The following IL5RA variants were observed in gnomAD, a reference collection of about 807,000 sequenced individuals.
IL5RA encodes the protein interleukin-5 receptor subunit alpha.
IL5RA carries 49 observed loss-of-function variants against 50.0 expected under a neutral mutation model. The observed-to-expected ratio is 0.98, with a 90% CI of 0.78 to 1.24. IL5RA has a LOEUF of 1.24. Among genes scored for constraint, IL5RA ranks in the 50% most tolerant of loss-of-function variants. The pLI, the probability that IL5RA is intolerant of heterozygous loss-of-function variation, is 0.00. For missense variants in IL5RA, 600 were observed against 500.4 expected, an observed-to-expected ratio of 1.20 and a Z score of -1.90; for synonymous variants, 202 against 174.0, an observed-to-expected ratio of 1.16 and a Z score of -1.26.
At chr3:3,073,368 A>G (rs948594786) in intron 11 of IL5RA, among the ~76,000 whole-genome samples, 3 of 152,328 alleles carry the variant, frequency 2.0e-5, no homozygotes, top group Admixed American at 6.5e-5. Flanking sequence ...TTGGCAAACT[A>G]CAGCCGCGGG....
chr3:3,079,845 C>G, intron 9 of IL5RA, among the ~76,000 whole-genome samples: 1 of 152,134 alleles, frequency 6.6e-6, no homozygotes, highest in East Asian at 1.9e-4. Context: ...ACCAGCCTGG[C>G]CAACATGGTG....
intron 9 of IL5RA, among the ~76,000 whole-genome samples, chr3:3,080,056 C>G (rs543655910): frequency 4.4e-4 from 67 of 151,904 alleles, no homozygotes; most frequent in African/African-American, 1.1e-3. Flanking sequence ...GAAAAGAAAA[C>G]AAAAGTAGTG....
In IL5RA at chr3:3,070,015, G is replaced by A. The variant is rs944881400; in HGVS notation, c.*210C>T. The A allele has an allele frequency of 6.1e-6, 3 of 494,692 alleles. No homozygotes were observed. Among genetic ancestry groups the A allele is most frequent in the African/African-American group, 4.0e-5 (2 of 49,770 alleles). 30.6% of individuals were successfully genotyped at this position (494,692 alleles called of 1,614,324 possible). A position where few individuals can be genotyped will look rare whatever the true frequency, so the allele number is the denominator to read the frequency against. ...AAAACATGGCAAAATGCTTGGATGA[G>A]TCAACTTCCCTGCTGTAGGTGAGGC... is the stretch of plus-strand genomic sequence containing the variant. On this transcript the variant is annotated 3_prime_UTR_variant, in exon 12 of 12. Transcript: ENST00000446632.
At chr3:3,074,577 T>C (rs2125951509) in intron 11 of IL5RA, among the ~76,000 whole-genome samples, 1 of 152,292 alleles carries the variant, frequency 6.6e-6, no homozygotes, top group Non-Finnish European at 1.5e-5. Context: ...GAGACCAGCC[T>C]GGACAACATA....
At chr3:3,103,296 T>C (rs1464575530) in intron 3 of IL5RA, among the ~76,000 whole-genome samples, 5 of 152,238 alleles carry the variant, frequency 3.3e-5, no homozygotes, top group African/African-American at 4.8e-5. Context: ...ACTATATCAC[T>C]ATTCACTATA....
intron 10 of IL5RA, among the ~76,000 whole-genome samples, chr3:3,075,203 C>CTTTTTTTTT (rs10642608): frequency 4.1e-4 from 29 of 69,968 alleles, no homozygotes; most frequent in African/African-American, 9.0e-4. Flanking sequence ...AGTTTACTTA[C>CTTTTTTTTT]TTTTTTTTTT....
chr3:3,073,549 A>G (rs1439265460), intron 11 of IL5RA, among the ~76,000 whole-genome samples: 1 of 152,206 alleles, frequency 6.6e-6, no homozygotes, highest in Non-Finnish European at 1.5e-5. Context: ...CTTTACAGAA[A>G]AAGTTTCTTG....
Position 3,095,312 on chromosome 3 carries a change from T to C in IL5RA, c.842A>G (p.Asn281Ser). Residue 281 changes from asparagine to serine, a missense_variant, in exon 8 of 12, where the codon AAT becomes AGT. Asn to Ser is a conservative substitution (Grantham distance 46). Coordinates refer to ENST00000446632, the MANE Select transcript of IL5RA (RefSeq NM_175726.4). ...DYEVKIHNTRNGYLQIEKLMT... is the reference protein window; with the variant it reads ...DYEVKIHNTRSGYLQIEKLMT... Reference sequence around the variant, plus strand: ...CTGAGTAATTACCTGCAAATATCCATTCCTTGTATTGTGTATTTTTACTTC... The same window carrying C: ...CTGAGTAATTACCTGCAAATATCCACTCCTTGTATTGTGTATTTTTACTTC... 3 of 1,593,844 alleles carry C rather than the reference T, an allele frequency of 1.9e-6. No homozygotes were observed. The highest frequency in any genetic ancestry group is 2.3e-5 in the South Asian group (2 of 88,516).
intron 9 of IL5RA, among the ~76,000 whole-genome samples, chr3:3,077,518 A>G (rs1017164253): frequency 7.2e-5 from 11 of 152,112 alleles, no homozygotes; most frequent in Admixed American, 1.3e-4. Context: ...CTGTAAATCC[A>G]AGCACTTTGG....
At chr3:3,075,545 A>T (rs1263281766) in intron 10 of IL5RA, among the ~76,000 whole-genome samples, 1 of 151,164 alleles carries the variant, frequency 6.6e-6, no homozygotes, top group Non-Finnish European at 1.5e-5. Context: ...CCTTCCCCCA[A>T]ACTGTAGATG....
chr3:3,089,454 C>G (rs574998711), intron 9 of IL5RA, among the ~76,000 whole-genome samples: 1 of 152,070 alleles, frequency 6.6e-6, no homozygotes, highest in Non-Finnish European at 1.5e-5. Flanking sequence ...GGTCACTGCC[C>G]GAGACTTTCC....
At chr3:3,075,280 G>T (rs1702438673) in intron 10 of IL5RA, among the ~76,000 whole-genome samples, 2 of 118,444 alleles carry the variant, frequency 1.7e-5, no homozygotes, top group African/African-American at 6.6e-5. Flanking sequence ...GTGGCTTATT[G>T]CAATCTCCAC....
In IL5RA at chr3:3,092,110, A is replaced by G. The variant is rs891413980; in HGVS notation, c.994+114T>C. 8.1e-6 allele frequency: 12 copies of G among 1,475,110 alleles called. No homozygotes were observed. The highest frequency in any genetic ancestry group is 8.9e-6 in the Non-Finnish European group (10 of 1,119,256). The allele number at this position is 1,475,110 out of a possible 1,614,324, so 91.4% of individuals were successfully genotyped here. The stretch of plus-strand genomic sequence containing the variant: ...GCAGTAGACCGAGAGAAAATTAGTC[A>G]CAATAGAGATATGAAACCATTTTAA... On this transcript the variant is annotated intron_variant, in intron 9 of 11. Coordinates refer to ENST00000446632, the MANE Select transcript of IL5RA (RefSeq NM_175726.4). This position sits in a 1 kb window ranked among gnomAD's most constrained non-coding sequence, Gnocchi z 4.2.
At chr3:3,095,978 A>G (rs1207403113) in intron 7 of IL5RA, among the ~76,000 whole-genome samples, 1 of 152,166 alleles carries the variant, frequency 6.6e-6, no homozygotes, top group Non-Finnish European at 1.5e-5. Flanking sequence ...TTTCTTTTGC[A>G]TCAAAAAGAA....
rs1206209416 is a variant in IL5RA, at chr3:3,101,723, G to C, written c.336C>G (p.Ser112Arg). Reference sequence around the variant, plus strand: ...GGGCATGAAGTTCAGCAGAAGCCCAGCTGCTGGCCAGTAGTGAGTGGTCGT... The same window carrying C: ...GGGCATGAAGTTCAGCAGAAGCCCACCTGCTGGCCAGTAGTGAGTGGTCGT... ...LQNDHSLLAS[S>R]WASAELHAPP... Residue 112 changes from serine (S) to arginine (R), a missense_variant, in exon 5 of 12, where the codon AGC becomes AGG. Ser to Arg is a moderately radical substitution (Grantham distance 110). Coordinates refer to ENST00000446632, the MANE Select transcript of IL5RA (RefSeq NM_175726.4). 1.9e-6 allele frequency: 3 copies of C among 1,614,116 alleles called. No individual in the cohort carries two copies. The highest frequency in any genetic ancestry group is 1.7e-6 in the Non-Finnish European group (2 of 1,179,978).
intron 2 of IL5RA, among the ~76,000 whole-genome samples, chr3:3,105,834 C>T (rs931060908): frequency 6.6e-6 from 1 of 152,106 alleles, no homozygotes; most frequent in Non-Finnish European, 1.5e-5. Flanking sequence ...TCGGTGATCT[C>T]TTTCTGGGAA....
Position 3,066,494 on chromosome 3 carries a change from G to C in IL5RA, c.*3731C>G, listed in dbSNP as rs1461132315. On this transcript the variant is annotated 3_prime_UTR_variant, in exon 12 of 12. Transcript: ENST00000446632. ...CCTGGTACTCAATTTGAAGGATGTA[G>C]AAGCAGGAATAGCTACAGTCCTTAG... 1 of 152,214 alleles carries C rather than the reference G, an allele frequency of 6.6e-6. No individual in the cohort carries two copies. Among genetic ancestry groups the C allele is most frequent in the African/African-American group, 2.4e-5 (1 of 41,454 alleles). 9.4% of individuals were successfully genotyped at this position (152,214 alleles called of 1,614,324 possible). A position where few individuals can be genotyped will look rare whatever the true frequency, so the allele number is the denominator to read the frequency against.
At position 3,092,899 on chromosome 3, in the gene IL5RA, T is replaced by C. The variant is rs937497121; in HGVS notation, c.856-537A>G. 3.9e-5 allele frequency among the ~76,000 whole-genome samples: 6 copies of C among 152,178 alleles called. No individual in the cohort carries two copies. The highest frequency in any genetic ancestry group is 8.8e-5 in the Non-Finnish European group (6 of 68,030). ...CCCCCGGAGGTGTTTCTCCCTTTTT[T>C]ACTCCAGCCCTGTGACCATTGCCTA... On this transcript the variant is annotated intron_variant, in intron 8 of 11. Coordinates refer to ENST00000446632, the MANE Select transcript of IL5RA (RefSeq NM_175726.4). This position sits in a 1 kb window ranked among gnomAD's most constrained non-coding sequence, Gnocchi z 4.2.
intron 9 of IL5RA, among the ~76,000 whole-genome samples, chr3:3,086,189 G>T (rs971552911): frequency 5.3e-5 from 8 of 152,208 alleles, no homozygotes; most frequent in African/African-American, 1.7e-4. Context: ...AGAAATAAGT[G>T]CAGGGTAGAC....
Sources: gnomAD v4.1 joint callset for allele counts (sites outside exome capture counted in the v4.1 genomes callset) on GRCh38, gnomAD v4.1.1 for gene constraint, Gnocchi (gnomAD v3.1) non-coding constraint, MANE v1.5 for transcripts, NCBI Gene and HGNC (gene_info 2026-07-23, HGNC 2026-07-21) for gene names.